The following HCRTR2 variants were observed in gnomAD, a reference collection of about 807,000 sequenced individuals.
HCRTR2 encodes orexin receptor type 2.
In HCRTR2, 22 loss-of-function variants were observed where a neutral mutation model predicts 49.0. The observed-to-expected ratio is 0.45, with a 90% CI of 0.32 to 0.64. HCRTR2 has a LOEUF of 0.64. Among genes scored for constraint, HCRTR2 ranks in the 30% least tolerant of loss-of-function variants. The probability of loss-of-function intolerance (pLI) is 0.04; values close to 1 mark genes in which losing one functional copy is unlikely to be tolerated. For missense variants in HCRTR2, 491 were observed against 559.4 expected (o/e 0.88, Z 1.23); for synonymous variants, 236 against 205.3 (o/e 1.15, Z -1.28).
chr6:55,169,441 T>G (rs1764919175), intron 1 of HCRTR2, among the ~76,000 whole-genome samples: 1 of 151,758 alleles, frequency 6.6e-6, no homozygotes, highest in Non-Finnish European at 1.5e-5. Flanking sequence ...TGGCCTAATC[T>G]TTTAGGGCAT....
At chr6:55,184,605 A>G (rs1307209904) in intron 1 of HCRTR2, among the ~76,000 whole-genome samples, 1 of 152,222 alleles carries the variant, frequency 6.6e-6, no homozygotes, top group Non-Finnish European at 1.5e-5. Context: ...AAGATGCTAC[A>G]TTGACCCCAA....
intron 1 of HCRTR2, among the ~76,000 whole-genome samples, chr6:55,144,892 C>T (rs531463630): frequency 1.6e-4 from 24 of 152,148 alleles, no homozygotes; most frequent in Non-Finnish European, 3.1e-4. Context: ...AAGAGTTATT[C>T]TAAGATCTTC....
intron 5 of HCRTR2, among the ~76,000 whole-genome samples, chr6:55,278,938 G>A (rs1337412570): frequency 2.6e-5 from 4 of 151,420 alleles, no homozygotes; most frequent in Non-Finnish European, 2.9e-5. Context: ...ACCTCTCTCT[G>A]GGTTACGTAT....
chr6:55,237,981 T>A (rs1766245693), intron 1 of HCRTR2, among the ~76,000 whole-genome samples: 1 of 152,176 alleles, frequency 6.6e-6, no homozygotes, highest in Non-Finnish European at 1.5e-5. Flanking sequence ...CTCCACAAGC[T>A]TTAATCACAA....
chr6:55,221,534 C>T (rs1765891421), intron 1 of HCRTR2, among the ~76,000 whole-genome samples: 3 of 152,128 alleles, frequency 2.0e-5, no homozygotes, highest in Non-Finnish European at 4.4e-5. Context: ...AAGATCTGGG[C>T]CGGGCGTGGT....
chr6:55,281,648 C>G (rs1267115952), intron 6 of HCRTR2, among the ~76,000 whole-genome samples: 2 of 152,194 alleles, frequency 1.3e-5, no homozygotes, highest in Non-Finnish European at 2.9e-5. Context: ...TCCAATATCT[C>G]CTCCATAATT....
At chr6:55,259,635 T>C (rs1191434082) in intron 3 of HCRTR2, among the ~76,000 whole-genome samples, 2 of 149,856 alleles carry the variant, frequency 1.3e-5, no homozygotes, top group African/African-American at 4.9e-5. Flanking sequence ...AAGATCCACA[T>C]TTGTTCCTTA....
chr6:55,170,212 T>A (rs186273173), upstream of HCRTR2, among the ~76,000 whole-genome samples: 11 of 150,148 alleles, frequency 7.3e-5, no homozygotes, highest in East Asian at 1.8e-3. Context: ...CTTTTATTTA[T>A]ACATAGTATT....
intron 1 of HCRTR2, among the ~76,000 whole-genome samples, chr6:55,142,870 A>T (rs1048673564): frequency 4.0e-5 from 6 of 151,494 alleles, no homozygotes. Context: ...AAAAAAATTT[A>T]GGGTGAAGAA....
rs529238767 is a variant in HCRTR2 at position 55,238,645 on chromosome 6, G to A, written c.224-9994G>A. 3.7e-4 allele frequency among the ~76,000 whole-genome samples: 57 copies of A among 152,254 alleles called. No homozygotes were observed. The South Asian group carries it at 7.5e-3, about 20-fold the overall frequency. Reference sequence around the variant, plus strand: ...ATAGAACATCTATAAGATGAAAACAGTTGTAGTCAGAGATTCTGGTATGCA... The same window carrying A: ...ATAGAACATCTATAAGATGAAAACAATTGTAGTCAGAGATTCTGGTATGCA... On this transcript the variant is annotated intron_variant, in intron 1 of 6. Transcript: ENST00000370862.
At chr6:55,160,166 G>C (rs1361951872) in intron 1 of HCRTR2, among the ~76,000 whole-genome samples, 1 of 152,150 alleles carries the variant, frequency 6.6e-6, no homozygotes, top group African/African-American at 2.4e-5. Context: ...AGCCAGAAGA[G>C]AGTGAAGGCC....
At chr6:55,234,008 C>A (rs1016623907) in intron 1 of HCRTR2, among the ~76,000 whole-genome samples, 1 of 152,124 alleles carries the variant, frequency 6.6e-6, no homozygotes, top group Non-Finnish European at 1.5e-5. Context: ...AGATTAGGTG[C>A]AAATTCATTT....
intron 1 of HCRTR2, among the ~76,000 whole-genome samples, chr6:55,178,270 A>G (rs184060412): frequency 2.0e-5 from 3 of 152,168 alleles, no homozygotes; most frequent in Admixed American, 2.0e-4. Context: ...GCATTCAAAG[A>G]TATCATATGT....
intron 3 of HCRTR2, among the ~76,000 whole-genome samples, chr6:55,260,452 A>G (rs1312862096): frequency 6.6e-6 from 1 of 152,198 alleles, no homozygotes; most frequent in Admixed American, 6.5e-5. Flanking sequence ...GAATGCTTGA[A>G]TGTTATCACT....
At chr6:55,222,793 A>G (rs1581839328) in intron 1 of HCRTR2, among the ~76,000 whole-genome samples, 1 of 152,200 alleles carries the variant, frequency 6.6e-6, no homozygotes, top group Non-Finnish European at 1.5e-5. Flanking sequence ...GAGTAAGAGG[A>G]AAGTTGCATT....
chr6:55,174,350 A>G (rs202235145), upstream of HCRTR2: 2 of 553,632 alleles, frequency 3.6e-6, no homozygotes, highest in Non-Finnish European at 6.5e-6. Flanking sequence ...CCGGGTCCCT[A>G]GTTCCTCAGC....
At chr6:55,224,639 A>AG (rs1765963519) in intron 1 of HCRTR2, among the ~76,000 whole-genome samples, 1 of 151,366 alleles carries the variant, frequency 6.6e-6, no homozygotes, top group Non-Finnish European at 1.5e-5. Flanking sequence ...AAAAAAAAAA[A>AG]GGAAAGAAAA....
intron 1 of HCRTR2, among the ~76,000 whole-genome samples, chr6:55,177,130 T>A (rs1353186371): frequency 6.6e-6 from 1 of 152,198 alleles, no homozygotes; most frequent in Non-Finnish European, 1.5e-5. Flanking sequence ...GCTACTTGTT[T>A]CATAATGTCA....
At chr6:55,242,229 C>A (rs1454884525) in intron 1 of HCRTR2, among the ~76,000 whole-genome samples, 1 of 152,096 alleles carries the variant, frequency 6.6e-6, no homozygotes, top group African/African-American at 2.4e-5. Context: ...ACAACTTAAT[C>A]AGTTTTAAGT....
Sources: allele counts gnomAD v4.1 joint callset (sites outside exome capture counted in the v4.1 genomes callset), GRCh38; gene constraint gnomAD v4.1.1; transcripts MANE v1.5; gene names NCBI Gene and HGNC (gene_info 2026-07-23, HGNC 2026-07-21).